CDH7: variants seen among roughly 807,000 people sequenced by gnomAD.
CDH7 encodes cadherin 7, also known as cadherin-7.
Under a neutral mutation model 71.8 loss-of-function variants are expected in CDH7, and 25 were observed. The observed-to-expected ratio is 0.35, with a 90% confidence interval of 0.25 to 0.49. The LOEUF is 0.49. Among genes scored for constraint, CDH7 ranks in the 20% least tolerant of loss-of-function variants. The pLI, the probability that CDH7 is intolerant of heterozygous loss-of-function variation, is 0.99. For synonymous variants in CDH7, 381 were observed against 363.8 expected (o/e 1.05, Z -0.54); for missense variants, 862 against 974.6 (o/e 0.88, Z 1.54).
intron 2 of CDH7, among the ~76,000 whole-genome samples, chr18:65,796,687 C>A (rs2143870975): frequency 6.6e-6 from 1 of 152,254 alleles, no homozygotes; most frequent in African/African-American, 2.4e-5. Context: ...CAGAGCGACA[C>A]AAGGGCACGA....
At chr18:65,859,246 C>T (rs1476520748) in intron 9 of CDH7, among the ~76,000 whole-genome samples, 200 bp downstream of exon 9, 1 of 152,148 alleles carries the variant, frequency 6.6e-6, no homozygotes, top group Non-Finnish European at 1.5e-5. Flanking sequence ...GAAAATTCCT[C>T]AGGAAGGAAA....
chr18:65,775,715 G>A (rs1909913350), intron 2 of CDH7, among the ~76,000 whole-genome samples: 2 of 152,182 alleles, frequency 1.3e-5, no homozygotes, highest in South Asian at 2.1e-4. Flanking sequence ...GTGCTGGGCT[G>A]CATTCAGAGC....
rs1913613107 is a variant in CDH7, at chr18:65,862,733, G to A, written c.1680G>A (p.Leu560=). The change falls in exon 11 of 12, where the codon CTG becomes CTA. Residue 560 remains leucine, a synonymous_variant. Coordinates refer to ENST00000397968, the MANE Select transcript of CDH7 (RefSeq NM_004361.5). ...FRRQEQSVYY[L]PIFIVDSGSP... is the part of the protein sequence containing the mutation. ...GACAGGAACAATCAGTTTACTATCT[G>A]CCAATTTTCATTGTGGACAGTGGAT... 1.2e-5 allele frequency: 19 copies of A among 1,613,838 alleles called. No homozygotes were observed. Among genetic ancestry groups the A allele is most frequent in the Non-Finnish European group, 1.5e-5 (18 of 1,179,864 alleles).
chr18:65,785,222 CATATA>C (rs1171656402), intron 2 of CDH7, among the ~76,000 whole-genome samples: 21 of 149,200 alleles, frequency 1.4e-4, no homozygotes, highest in African/African-American at 5.4e-4. Flanking sequence ...GCATATTTGT[CATATA>C]ATATATGTCA....
intron 2 of CDH7, among the ~76,000 whole-genome samples, chr18:65,782,176 T>TTCTTTCTTTCTTTCTC (rs1568182801): frequency 1.0e-4 from 14 of 134,646 alleles, no homozygotes; most frequent in African/African-American, 4.3e-4. Flanking sequence ...CTTTCTTTCT[T>TTCTTTCTTTCTTTCTC]TCTTTCTTTC....
chr18:65,856,081 C>T lies in CDH7; in HGVS notation c.1236-1735C>T, dbSNP rs181644310. ...TGGAGAGGAGTCCATTTGGCAGCAC[C>T]AACTCACCATCCATGCCATGCACAT... On this transcript the variant is annotated intron_variant, in intron 7 of 11. Coordinates refer to ENST00000397968, the MANE Select transcript of CDH7 (RefSeq NM_004361.5). Among the ~76,000 whole-genome samples the T allele has an allele frequency of 1.7e-3, 259 of 152,090 alleles. 2 individuals carry two copies. Among genetic ancestry groups the T allele is most frequent in the Non-Finnish European group, 5.6e-4 (38 of 67,990 alleles).
In CDH7 at chr18:65,890,302, T is replaced by A. The variant is rs1914469519; in HGVS notation, c.*9408T>A. 1 of 152,224 alleles carries A rather than the reference T, an allele frequency of 6.6e-6. No individual in the cohort carries two copies. The highest frequency in any genetic ancestry group is 2.1e-4 in the South Asian group (1 of 4,836). The allele number at this position is 152,224 out of a possible 1,614,324, so 9.4% of individuals were successfully genotyped here. A position where few individuals can be genotyped will look rare whatever the true frequency, so the allele number is the denominator to read the frequency against. On this transcript the variant is annotated 3_prime_UTR_variant, in exon 12 of 12. Coordinates refer to ENST00000397968, the MANE Select transcript of CDH7 (RefSeq NM_004361.5). The stretch of plus-strand genomic sequence containing the variant: ...GCACACCTATGAAAAGTGATCAGGA[T>A]GCCCAAGCAATTTTAATTAAAATCA...
At chr18:65,852,056 A>G (rs1913168059) in intron 7 of CDH7, among the ~76,000 whole-genome samples, 3 of 152,192 alleles carry the variant, frequency 2.0e-5, no homozygotes, top group Admixed American at 2.0e-4. Context: ...AATGACCAAC[A>G]TGAGAAAAGG....
intron 2 of CDH7, among the ~76,000 whole-genome samples, chr18:65,764,282 A>G (rs1916289268): frequency 6.6e-6 from 1 of 152,076 alleles, no homozygotes; most frequent in Non-Finnish European, 1.5e-5. Context: ...TTTTATAAAT[A>G]CTGACTTTTA....
At position 65,802,476 on chromosome 18, in the gene CDH7, G is replaced by A. The variant is rs760029191; in HGVS notation, c.211-7228G>A. ...TTTGAGTGGTGATACTTTTGCCTTG[G>A]TTATAGACGTTTTCTGCTCAACCAG... is the stretch of plus-strand genomic sequence containing the variant. On this transcript the variant is annotated intron_variant, in intron 2 of 11. Transcript: ENST00000397968. Among the ~76,000 whole-genome samples, 98 of 152,166 alleles carry A rather than the reference G, an allele frequency of 6.4e-4. 1 individual carries two copies. Among genetic ancestry groups the A allele is most frequent in the Non-Finnish European group, 5.3e-4 (36 of 67,994 alleles).
rs1422335940 is a variant in CDH7, at chr18:65,781,846, CTTTCTTTCTTTCTTTCTT to C, written c.210+18796_210+18813del. ...TCTTTCTTTCTTTCTTTCTTTCTTT[CTTTCTTTCTTTCTTTCTT>C]TCTCTCTCTCTCTCTGTCTCTCTCT... On this transcript the variant is annotated intron_variant, in intron 2 of 11. Transcript: ENST00000397968. 4.4e-3 allele frequency among the ~76,000 whole-genome samples: 432 copies of C among 97,912 alleles called. 25 individuals carry two copies. The highest frequency in any genetic ancestry group is 0.025 in the African/African-American group (399 of 15,752). The allele number at this position is 97,912 out of a possible 152,430, so 64.2% of individuals were successfully genotyped here.
chr18:65,874,834 T>C (rs940865464), intron 11 of CDH7, among the ~76,000 whole-genome samples: 1 of 152,104 alleles, frequency 6.6e-6, no homozygotes, highest in Non-Finnish European at 1.5e-5. Flanking sequence ...AGAATTCTGC[T>C]ATTTCTGGGT....
At chr18:65,779,302 ATT>A (rs34492758) in intron 2 of CDH7, among the ~76,000 whole-genome samples, 2 of 93,080 alleles carry the variant, frequency 2.1e-5, no homozygotes, top group African/African-American at 5.4e-5. Context: ...AGCTGTGTGA[ATT>A]TTTTTTTTTT....
chr18:65,875,609 G>A (rs1163690720), intron 11 of CDH7, among the ~76,000 whole-genome samples: 3 of 152,088 alleles, frequency 2.0e-5, no homozygotes, highest in South Asian at 4.1e-4. Context: ...CAAAAAGGCC[G>A]GGCGTGGTGG....
chr18:65,870,664 T>C (rs932893289), intron 11 of CDH7, among the ~76,000 whole-genome samples: 10 of 152,160 alleles, frequency 6.6e-5, no homozygotes, highest in African/African-American at 9.7e-5. Flanking sequence ...CCTGAAACAG[T>C]CTTCCTGCAT....
At chr18:65,795,503 T>C (rs2143868252) in intron 2 of CDH7, among the ~76,000 whole-genome samples, 1 of 152,160 alleles carries the variant, frequency 6.6e-6, no homozygotes, top group African/African-American at 2.4e-5. Context: ...GAATAATACA[T>C]CTAAACTATG....
chr18:65,780,908 C>G (rs1390966752), intron 2 of CDH7, among the ~76,000 whole-genome samples: 3 of 142,818 alleles, frequency 2.1e-5, no homozygotes, highest in African/African-American at 8.1e-5. Flanking sequence ...GTTTGCCTCT[C>G]TCTATTCCTG....
chr18:65,859,858 G>A (rs754324669), intron 10 of CDH7, 33 bp downstream of exon 10: 2 of 1,212,212 alleles, frequency 1.6e-6, no homozygotes, highest in Non-Finnish European at 2.5e-6. Context: ...GATAGAGGCA[G>A]CAGGTACAGA....
At chr18:65,774,643 T>C (rs1909869135) in intron 2 of CDH7, among the ~76,000 whole-genome samples, 1 of 151,984 alleles carries the variant, frequency 6.6e-6, no homozygotes, top group Non-Finnish European at 1.5e-5. Flanking sequence ...ATTGGGAGTG[T>C]CTACAGCTAC....
Sources: allele counts gnomAD v4.1 joint callset (sites outside exome capture counted in the v4.1 genomes callset), GRCh38; gene constraint gnomAD v4.1.1; transcripts MANE v1.5; gene names NCBI Gene and HGNC (gene_info 2026-07-23, HGNC 2026-07-21).